CDH13: variants seen among roughly 807,000 people sequenced by gnomAD.
CDH13 encodes the protein cadherin-13.
A neutral mutation model predicts 63.8 loss-of-function variants in CDH13; 24 were observed. The ratio of observed to expected loss-of-function variants is 0.38; its 90% confidence interval spans 0.27 to 0.53. CDH13 has a LOEUF of 0.53. Ranked by LOEUF, CDH13 falls within the 20% of genes least tolerant of loss-of-function variation. CDH13 has a pLI of 0.85. For missense variants in CDH13, 1,049 were observed against 903.1 expected (o/e 1.16, Z -2.07); for synonymous variants, 503 against 355.3 (o/e 1.42, Z -4.67).
chr16:83,050,975 A>G (rs976228038), intron 3 of CDH13, among the ~76,000 whole-genome samples: 2 of 152,024 alleles, frequency 1.3e-5, no homozygotes, highest in Admixed American at 1.3e-4. Flanking sequence ...TCTACCTGCA[A>G]ACTCTTCATT....
intron 8 of CDH13, 38 bp downstream of exon 8, chr16:83,602,632 C>A (rs1907960963): frequency 6.2e-7 from 1 of 1,608,704 alleles, no homozygotes; most frequent in South Asian, 1.1e-5. Context: ...CCACTGTGGT[C>A]ACAGCTACAA....
chr16:82,927,211 A>T (rs1182156457), intron 2 of CDH13, among the ~76,000 whole-genome samples: 2 of 152,128 alleles, frequency 1.3e-5, no homozygotes, highest in African/African-American at 4.8e-5. Context: ...GTGATATTTT[A>T]TGACTGAGGC....
chr16:83,771,337 C>T (rs1820840911), intron 11 of CDH13, among the ~76,000 whole-genome samples: 1 of 152,170 alleles, frequency 6.6e-6, no homozygotes, highest in South Asian at 2.1e-4. Context: ...GTTATCACTG[C>T]TCAACTTGAA....
chr16:83,459,686 A>G (rs2073125825), intron 6 of CDH13, among the ~76,000 whole-genome samples: 1 of 152,224 alleles, frequency 6.6e-6, no homozygotes, highest in African/African-American at 2.4e-5. Context: ...TGTAAATGCT[A>G]AAGGTAAAAC....
intron 7 of CDH13, among the ~76,000 whole-genome samples, chr16:83,494,632 G>C (rs2074094183): frequency 6.6e-6 from 1 of 152,204 alleles, no homozygotes; most frequent in Non-Finnish European, 1.5e-5. Flanking sequence ...TCCAGAGCAG[G>C]AACTGGGTGG....
chr16:83,576,650 A>G (rs1323061787), intron 7 of CDH13, among the ~76,000 whole-genome samples: 1 of 152,198 alleles, frequency 6.6e-6, no homozygotes, highest in Non-Finnish European at 1.5e-5. Context: ...GTTTCTCCAC[A>G]TCCCTCCCAG....
chr16:83,044,600 C>G (rs752951040), intron 3 of CDH13, among the ~76,000 whole-genome samples: 4 of 152,216 alleles, frequency 2.6e-5, no homozygotes, highest in Non-Finnish European at 4.4e-5. Flanking sequence ...GAGAAAACGT[C>G]TTGCGTTTAT....
At chr16:83,129,392 A>C (rs891380629) in intron 4 of CDH13, among the ~76,000 whole-genome samples, 2 of 152,232 alleles carry the variant, frequency 1.3e-5, no homozygotes, top group African/African-American at 2.4e-5. Flanking sequence ...CAAGAATTCA[A>C]ATGAAGGCAG....
chr16:82,759,589 A>G (rs1259099085), intron 1 of CDH13, among the ~76,000 whole-genome samples: 1 of 150,624 alleles, frequency 6.6e-6, no homozygotes, highest in African/African-American at 2.4e-5. Flanking sequence ...ATACACATAT[A>G]TAATATATAT....
chr16:83,482,985 C>G (rs1007052340), intron 6 of CDH13, among the ~76,000 whole-genome samples: 1 of 152,206 alleles, frequency 6.6e-6, no homozygotes, highest in African/African-American at 2.4e-5. Flanking sequence ...GGCTTCCTCT[C>G]TGAACACTAA....
intron 1 of CDH13, among the ~76,000 whole-genome samples, chr16:82,783,679 G>C (rs1445337776): frequency 6.6e-6 from 1 of 152,224 alleles, no homozygotes; most frequent in African/African-American, 2.4e-5. Context: ...ATTTCAGTGA[G>C]AGGACTTCTC....
At chr16:83,422,773 A>G (rs937240610) in intron 6 of CDH13, among the ~76,000 whole-genome samples, 13 of 152,196 alleles carry the variant, frequency 8.5e-5, no homozygotes, top group Non-Finnish European at 5.9e-5. Flanking sequence ...TTTAAAAGGA[A>G]GATAATAACA....
At chr16:83,422,220 C>T (rs752395857) in intron 6 of CDH13, among the ~76,000 whole-genome samples, 1 of 152,154 alleles carries the variant, frequency 6.6e-6, no homozygotes, top group African/African-American at 2.4e-5. Context: ...GTAAGTTGTA[C>T]TGTATAAAAA....
chr16:83,392,501 C>T (rs2091807744), intron 6 of CDH13, among the ~76,000 whole-genome samples: 1 of 152,140 alleles, frequency 6.6e-6, no homozygotes, highest in East Asian at 1.9e-4. Context: ...CGTAATGACT[C>T]CCCTGATAGA....
rs764542377 is a variant in CDH13 at position 83,739,270 on chromosome 16, C to G, written c.1539-8838C>G. On this transcript the variant is annotated intron_variant, in intron 10 of 13. Transcript: ENST00000567109. ...CGTGACCAGCCCCCCAAAAAAAACC[C>G]TGAATGTTGAGTCTTCGGTGAGCTT... is the stretch of plus-strand genomic sequence containing the variant. Among the ~76,000 whole-genome samples the G allele has an allele frequency of 4.5e-4, 68 of 152,028 alleles. 1 individual carries two copies. The highest frequency in any genetic ancestry group is 2.4e-4 in the Non-Finnish European group (16 of 68,034).
chr16:82,710,449 G>A (rs1383339887), intron 1 of CDH13, among the ~76,000 whole-genome samples: 1 of 141,262 alleles, frequency 7.1e-6, no homozygotes, highest in Admixed American at 7.3e-5. Context: ...GGAGAATGGC[G>A]TGAACCCAGG....
intron 1 of CDH13, among the ~76,000 whole-genome samples, chr16:82,634,591 C>T (rs901172901): frequency 2.0e-5 from 3 of 152,242 alleles, no homozygotes; most frequent in Non-Finnish European, 2.9e-5. Context: ...ATTATAGCCA[C>T]ACCTATTCAT....
chr16:83,751,112 C>T (rs921638966), intron 11 of CDH13, among the ~76,000 whole-genome samples: 3 of 152,036 alleles, frequency 2.0e-5, no homozygotes, highest in Admixed American at 2.0e-4. Context: ...GTGTGGATAC[C>T]GGACTGTTCT....
intron 5 of CDH13, among the ~76,000 whole-genome samples, chr16:83,222,242 T>C (rs1285298075): frequency 6.6e-6 from 1 of 152,230 alleles, no homozygotes; most frequent in Admixed American, 6.5e-5. Flanking sequence ...GCCAATTTCT[T>C]GGTCAAGTTT....
Sources: allele counts gnomAD v4.1 joint callset (sites outside exome capture counted in the v4.1 genomes callset), GRCh38; gene constraint gnomAD v4.1.1; transcripts MANE v1.5; gene names NCBI Gene and HGNC (gene_info 2026-07-23, HGNC 2026-07-21).